Variants in SOBP observed in about 807,000 individuals in gnomAD.
The protein encoded by SOBP is sine oculis-binding protein homolog.
Under a neutral mutation model 53.6 loss-of-function variants are expected in SOBP, and 4 were observed. That is an observed-to-expected ratio of 0.07 (90% CI 0.04 to 0.17). SOBP has a LOEUF of 0.17. SOBP is among the 10% of genes least tolerant of loss of function. SOBP has a pLI of 1.00. For synonymous variants in SOBP, 584 were observed against 522.6 expected, an observed-to-expected ratio of 1.12 and a Z score of -1.60; for missense variants, 1,088 against 1,204.7, an observed-to-expected ratio of 0.90 and a Z score of 1.43.
chr6:107,610,771 TGTGTGTGCGCAC>T (rs1253760102), intron 5 of SOBP, among the ~76,000 whole-genome samples: 3 of 149,960 alleles, frequency 2.0e-5, no homozygotes, highest in East Asian at 2.0e-4. Flanking sequence ...TTTGCGCATG[TGTGTGTGCGCAC>T]GTGTGTGCAC....
chr6:107,570,688 G>A (rs1169494313), intron 4 of SOBP, among the ~76,000 whole-genome samples: 2 of 152,208 alleles, frequency 1.3e-5, no homozygotes, highest in African/African-American at 2.4e-5. Context: ...CACCAGTCTG[G>A]GAGGTAGGGC....
At chr6:107,556,699 G>T (rs1332110076) in intron 4 of SOBP, among the ~76,000 whole-genome samples, 1 of 152,222 alleles carries the variant, frequency 6.6e-6, no homozygotes, top group Non-Finnish European at 1.5e-5. Flanking sequence ...GAGGATCATG[G>T]TTATACATGA....
rs568546761 is a variant in SOBP, at chr6:107,660,916, C to G, written c.*2713C>G. ...CCTGATTTTCTTCTCCCATGGAGCC[C>G]GAGAGAATCTTGGAGGCTTCCTGGT... On this transcript the variant is annotated 3_prime_UTR_variant, in exon 7 of 7. Transcript: ENST00000317357. 6.6e-6 allele frequency among the ~76,000 whole-genome samples: 1 copy of G among 152,284 alleles called. No individual in the cohort carries two copies. Among genetic ancestry groups the G allele is most frequent in the Non-Finnish European group, 1.5e-5 (1 of 68,020 alleles).
chr6:107,643,404 T>TTTTA (rs1179796526), intron 6 of SOBP, among the ~76,000 whole-genome samples: 3 of 152,164 alleles, frequency 2.0e-5, no homozygotes, highest in East Asian at 1.9e-4. Flanking sequence ...ATTTATAAGC[T>TTTTA]TTTATTTATT....
intron 3 of SOBP, among the ~76,000 whole-genome samples, chr6:107,519,635 A>T (rs1783422707): frequency 6.6e-6 from 1 of 152,170 alleles, no homozygotes; most frequent in Non-Finnish European, 1.5e-5. Flanking sequence ...AGTGTAGGGG[A>T]TTAAAGCATA....
intron 1 of SOBP, among the ~76,000 whole-genome samples, chr6:107,492,280 A>G (rs12203645): frequency 0.064 from 9,777 of 151,720 alleles, 741 homozygotes; most frequent in African/African-American, 0.18. Flanking sequence ...CCTGTCCTGC[A>G]TTTCCAGTTT....
At chr6:107,564,007 G>T (rs530437722) in intron 4 of SOBP, among the ~76,000 whole-genome samples, 1 of 152,156 alleles carries the variant, frequency 6.6e-6, no homozygotes, top group Admixed American at 6.5e-5. Flanking sequence ...TGATGGAGAC[G>T]GGTGGGTAGT....
intron 5 of SOBP, among the ~76,000 whole-genome samples, chr6:107,619,876 C>T (rs574511402): frequency 2.6e-5 from 4 of 152,192 alleles, no homozygotes; most frequent in African/African-American, 7.2e-5. Flanking sequence ...GGGAGTATTA[C>T]GGGATTAGGC....
At chr6:107,534,676 C>A (rs1215131802) in intron 4 of SOBP, among the ~76,000 whole-genome samples, 1 of 152,140 alleles carries the variant, frequency 6.6e-6, no homozygotes, top group African/African-American at 2.4e-5. Context: ...AAACATAATG[C>A]CAAAAGAATT....
intron 6 of SOBP, among the ~76,000 whole-genome samples, chr6:107,649,840 A>G (rs1771728396): frequency 6.6e-6 from 1 of 152,120 alleles, no homozygotes; most frequent in Admixed American, 6.5e-5. Flanking sequence ...GAAGATAAGG[A>G]CTTACTTAAG....
intron 3 of SOBP, among the ~76,000 whole-genome samples, chr6:107,518,896 C>G (rs1007793059): frequency 1.2e-4 from 19 of 152,006 alleles, no homozygotes; most frequent in Non-Finnish European, 2.1e-4. Flanking sequence ...TGTAATTTGA[C>G]CTTTTTAATC....
intron 4 of SOBP, among the ~76,000 whole-genome samples, chr6:107,582,071 A>T (rs142862200): frequency 3.3e-5 from 5 of 152,346 alleles, no homozygotes; most frequent in East Asian, 3.9e-4. Context: ...CATTCATCAC[A>T]GGGAGGTATT....
At chr6:107,520,396 G>A (rs1033274661) in intron 3 of SOBP, among the ~76,000 whole-genome samples, 1 of 152,160 alleles carries the variant, frequency 6.6e-6, no homozygotes, top group African/African-American at 2.4e-5. Flanking sequence ...GAGGTTAAAT[G>A]ATCTTCTCAA....
chr6:107,493,796 A>T (rs1450283601), intron 1 of SOBP, among the ~76,000 whole-genome samples: 1 of 152,232 alleles, frequency 6.6e-6, no homozygotes, highest in Admixed American at 6.5e-5. Flanking sequence ...GGAGAAGACA[A>T]ACTGGCTGAG....
intron 5 of SOBP, among the ~76,000 whole-genome samples, chr6:107,588,149 T>C (rs967031588): frequency 6.6e-6 from 1 of 152,252 alleles, no homozygotes; most frequent in Non-Finnish European, 1.5e-5. Flanking sequence ...GCCGACCAGC[T>C]CTGCCAGGTC....
chr6:107,643,446 T>G (rs1188942761), intron 6 of SOBP, among the ~76,000 whole-genome samples: 1 of 152,134 alleles, frequency 6.6e-6, no homozygotes, highest in African/African-American at 2.4e-5. Context: ...GAGATGGAGT[T>G]TCACTCTGTT....
intron 3 of SOBP, among the ~76,000 whole-genome samples, chr6:107,531,368 T>C (rs1444003627): frequency 6.6e-6 from 1 of 152,206 alleles, no homozygotes; most frequent in African/African-American, 2.4e-5. Context: ...TATCTTCTTT[T>C]TCAGGAATTT....
At position 107,660,783 on chromosome 6, in the gene SOBP, A is replaced by G. The variant is rs752512890; in HGVS notation, c.*2580A>G. Among the ~76,000 whole-genome samples the G allele has an allele frequency of 7.2e-5, 11 of 152,242 alleles. No individual in the cohort carries two copies. Among genetic ancestry groups the G allele is most frequent in the Non-Finnish European group, 1.6e-4 (11 of 68,036 alleles). On this transcript the variant is annotated 3_prime_UTR_variant, in exon 7 of 7. Transcript: ENST00000317357. ...CCTAGAAAAGCAACTCGACCTGTTCAGAGTCTCGCACTTAGTTGATTTAGC... is the reference window on the plus strand; with the variant it reads ...CCTAGAAAAGCAACTCGACCTGTTCGGAGTCTCGCACTTAGTTGATTTAGC...
At chr6:107,630,055 C>T (rs1317723479) in intron 5 of SOBP, among the ~76,000 whole-genome samples, 1 of 152,228 alleles carries the variant, frequency 6.6e-6, no homozygotes, top group African/African-American at 2.4e-5. Context: ...CAGCTTCAGC[C>T]TCTGTCCAAT....
Sources: gnomAD v4.1 joint callset for allele counts (sites outside exome capture counted in the v4.1 genomes callset) on GRCh38, gnomAD v4.1.1 for gene constraint, MANE v1.5 for transcripts, NCBI Gene and HGNC (gene_info 2026-07-23, HGNC 2026-07-21) for gene names.